INO80D: variants seen among roughly 807,000 people sequenced by gnomAD.
INO80D encodes INO80 complex subunit D.
Under a neutral mutation model 87.6 loss-of-function variants are expected in INO80D, and 21 were observed. The observed-to-expected ratio is 0.24, with a 90% CI of 0.17 to 0.35. The LOEUF (loss-of-function observed/expected upper bound fraction) is 0.35. Ranked by LOEUF, INO80D falls within the 10% of genes least tolerant of loss-of-function variation. The pLI, the probability that INO80D is intolerant of heterozygous loss-of-function variation, is 1.00. For missense variants in INO80D, 982 were observed against 1,280.7 expected, an observed-to-expected ratio of 0.77 and a Z score of 3.56; for synonymous variants, 440 against 491.0, an observed-to-expected ratio of 0.90 and a Z score of 1.37.
intron 6 of INO80D, among the ~76,000 whole-genome samples, chr2:206,021,013 A>G (rs1010049777): frequency 1.3e-5 from 2 of 152,098 alleles, no homozygotes; most frequent in Middle Eastern, 6.3e-3. Flanking sequence ...TCTCTATTGA[A>G]AAAAAGAAAA....
chr2:206,025,942 G>C (rs375251119), intron 6 of INO80D, among the ~76,000 whole-genome samples: 1 of 151,894 alleles, frequency 6.6e-6, no homozygotes, highest in Admixed American at 6.6e-5. Flanking sequence ...CTGTCGCCCA[G>C]GCTAGAGCAC....
At chr2:206,073,703 T>C (rs982094564) in intron 1 of INO80D, among the ~76,000 whole-genome samples, 49 of 152,038 alleles carry the variant, frequency 3.2e-4, no homozygotes, top group African/African-American at 1.2e-3. Context: ...TTAGTAGATA[T>C]GGGGTTTCAC....
chr2:206,049,353 TA>T (rs1307984511), intron 4 of INO80D, among the ~76,000 whole-genome samples: 1 of 152,108 alleles, frequency 6.6e-6, no homozygotes, highest in Non-Finnish European at 1.5e-5. Context: ...GGGGAAAAGG[TA>T]AAAAAGCAAT....
chr2:206,005,620 T>A, intron 10 of INO80D, 87 bp from the exon 11 acceptor site: 1 of 1,074,162 alleles, frequency 9.3e-7, no homozygotes, highest in Non-Finnish European at 1.3e-6. Context: ...TTTTAAACAA[T>A]ATTCGATTTA....
chr2:206,078,926 G>C (rs978099122), intron 1 of INO80D, among the ~76,000 whole-genome samples: 3 of 152,156 alleles, frequency 2.0e-5, no homozygotes, highest in African/African-American at 7.2e-5. Context: ...GGGCAACAGA[G>C]TGAGACTTTG....
Position 206,056,622 on chromosome 2 carries a change from G to T in INO80D, c.540C>A (p.Arg180=). 6.2e-7 allele frequency: 1 copy of T among 1,610,776 alleles called. No individual in the cohort carries two copies. The highest frequency in any genetic ancestry group is 1.3e-5 in the African/African-American group (1 of 75,026). The change falls in exon 4 of 11, where the codon CGC becomes CGA. Residue 180 remains arginine (R), a synonymous_variant. Coordinates refer to ENST00000403263, the MANE Select transcript of INO80D (RefSeq NM_017759.5). The part of the protein sequence containing the change: ...LQSKLAQNRQ[R]QRETEILKVR... The stretch of plus-strand genomic sequence containing the variant: ...CTTTTAAAATCTCTGTCTCTCTCTG[G>T]CGCTGCCGATTCTGGGCCAACTTGC...
At chr2:206,051,698 A>T (rs964200297) in intron 4 of INO80D, among the ~76,000 whole-genome samples, 2 of 152,066 alleles carry the variant, frequency 1.3e-5, no homozygotes, top group Non-Finnish European at 2.9e-5. Flanking sequence ...AGAGAATCTC[A>T]CTATGTTTCC....
rs1411411920 is a variant in INO80D at position 206,004,294 on chromosome 2, G to A, written c.*74C>T. ...TGTTATATCTTCTTTAGGAAAAGGG[G>A]AGAGGGGTGCTAAAGAGGAAACAAA... On this transcript the variant is annotated 3_prime_UTR_variant, in exon 11 of 11. Transcript: ENST00000403263. The surrounding 1 kb of genome is among the most constrained non-coding windows in gnomAD (Gnocchi z 4.9). The A allele has an allele frequency of 1.5e-6, 2 of 1,321,900 alleles. No homozygotes were observed. The highest frequency in any genetic ancestry group is 2.1e-6 in the Non-Finnish European group (2 of 951,672). 81.9% of individuals were successfully genotyped at this position (1,321,900 alleles called of 1,614,324 possible).
chr2:206,017,590 T>C, intron 8 of INO80D, 90 bp downstream of exon 8: 2 of 1,067,742 alleles, frequency 1.9e-6, no homozygotes, highest in South Asian at 4.3e-5. Flanking sequence ...TTCAGTGATT[T>C]ATATACATAC....
At chr2:206,066,820 A>C (rs1213030007) in intron 1 of INO80D, among the ~76,000 whole-genome samples, 1 of 149,358 alleles carries the variant, frequency 6.7e-6, no homozygotes, top group Non-Finnish European at 1.5e-5. Context: ...AAAAAAAAAG[A>C]AAAAGAAATT....
intron 5 of INO80D, among the ~76,000 whole-genome samples, chr2:206,033,680 T>C (rs987928722): frequency 1.3e-5 from 2 of 151,486 alleles, no homozygotes; most frequent in Non-Finnish European, 2.9e-5. Context: ...CTCAAGGAAG[T>C]AGAGAAACAA....
intron 9 of INO80D, 116 bp downstream of exon 9, chr2:206,009,461 T>C: frequency 1.2e-6 from 1 of 801,710 alleles, no homozygotes. Context: ...TCTAGGCTGA[T>C]ATACTAAATG....
intron 5 of INO80D, among the ~76,000 whole-genome samples, chr2:206,028,927 G>A (rs1217383330): frequency 2.0e-5 from 3 of 150,006 alleles, no homozygotes; most frequent in Non-Finnish European, 3.0e-5. Context: ...TCACTCTGTC[G>A]CCCAGGCTGG....
At chr2:206,014,607 C>A (rs964691158) in intron 8 of INO80D, among the ~76,000 whole-genome samples, 1 of 152,042 alleles carries the variant, frequency 6.6e-6, no homozygotes, top group Admixed American at 6.6e-5. Context: ...TCCCCAGCCA[C>A]GTGGAACTGT....
At chr2:206,084,654 C>T (rs1411758103) in intron 1 of INO80D, 1 of 152,498 alleles carries the variant, frequency 6.6e-6, no homozygotes, top group African/African-American at 2.4e-5. Flanking sequence ...CTGCCCCTCT[C>T]ACTGACAGTC....
chr2:206,065,564 G>A (rs1197807847), intron 1 of INO80D, among the ~76,000 whole-genome samples: 2 of 152,066 alleles, frequency 1.3e-5, no homozygotes, highest in Non-Finnish European at 2.9e-5. Flanking sequence ...AAAAGCTTCT[G>A]CACAGCAAAG....
intron 5 of INO80D, among the ~76,000 whole-genome samples, chr2:206,042,411 G>A (rs2105857874): frequency 6.6e-6 from 1 of 152,220 alleles, no homozygotes; most frequent in Non-Finnish European, 1.5e-5. Context: ...ATATTAAAAG[G>A]TGGCTCACGC....
chr2:206,062,668 C>T lies in INO80D; in HGVS notation c.218+131G>A, dbSNP rs1043207290. ...TACTTAGATTACCCCCAGAATTCAA[C>T]ATTTATATAGGTGGAGGAAGGGAGG... is the stretch of plus-strand genomic sequence containing the variant. On this transcript the variant is annotated intron_variant, in intron 3 of 10. Transcript: ENST00000403263. This position sits in a 1 kb window ranked among gnomAD's most constrained non-coding sequence, Gnocchi z 4.6. The T allele has an allele frequency of 8.3e-5, 62 of 749,164 alleles. No individual in the cohort carries two copies. The African/African-American group carries it at 1.0e-3, about 12-fold the overall frequency. 46.4% of individuals were successfully genotyped at this position (749,164 alleles called of 1,614,324 possible).
Position 206,063,158 on chromosome 2 carries a change from T to C in INO80D, c.-37A>G. On this transcript the variant is annotated 5_prime_UTR_variant, in exon 2 of 11. An upstream open reading frame in the 5' UTR loses its in-frame stop. Coordinates refer to ENST00000403263, the MANE Select transcript of INO80D (RefSeq NM_017759.5). ...CTGGCCCCACAGCCATACCTGATTT[T>C]AAATCTTCTGCACCATAGCAATGTT... 1.5e-6 allele frequency: 1 copy of C among 665,434 alleles called. No homozygotes were observed. Among genetic ancestry groups the C allele is most frequent in the Non-Finnish European group, 2.6e-6 (1 of 381,806 alleles). 41.2% of individuals were successfully genotyped at this position (665,434 alleles called of 1,614,324 possible). A position where few individuals can be genotyped will look rare whatever the true frequency, so the allele number is the denominator to read the frequency against.
Sources: gnomAD v4.1 joint callset for allele counts (sites outside exome capture counted in the v4.1 genomes callset) on GRCh38, gnomAD v4.1.1 for gene constraint, Gnocchi (gnomAD v3.1) non-coding constraint, MANE v1.5 for transcripts, NCBI Gene and HGNC (gene_info 2026-07-23, HGNC 2026-07-21) for gene names.